The following IL1RAPL1 variants were observed in gnomAD, a reference collection of about 807,000 sequenced individuals.
IL1RAPL1 encodes interleukin 1 receptor accessory protein like 1, also known as interleukin-1 receptor accessory protein-like 1.
A neutral mutation model predicts 48.4 loss-of-function variants in IL1RAPL1; 3 were observed. The observed-to-expected ratio is 0.06, with a 90% CI of 0.03 to 0.16. The LOEUF is 0.16. Among genes scored for constraint, IL1RAPL1 ranks in the 10% least tolerant of loss-of-function variants. The pLI is 1.00. For synonymous variants in IL1RAPL1, 185 were observed against 187.7 expected, an observed-to-expected ratio of 0.99 and a Z score of 0.12; for missense variants, 349 against 530.6, an observed-to-expected ratio of 0.66 and a Z score of 3.36.
chrX:29,902,305 C>T (rs1372709659), intron 6 of IL1RAPL1, among the ~76,000 whole-genome samples: 3 of 110,835 alleles, frequency 2.7e-5, no homozygotes, highest in Non-Finnish European at 3.8e-5. Context: ...TGGTGTCCAC[C>T]GATTGTTCTA....
At chrX:29,327,648 A>G (rs1039780037) in intron 3 of IL1RAPL1, among the ~76,000 whole-genome samples, 5 of 105,101 alleles carry the variant, frequency 4.8e-5, no homozygotes, top group African/African-American at 1.4e-4. Context: ...CACTATATAT[A>G]TACTATATTT....
rs1229770821 is a variant in IL1RAPL1 at position 29,289,313 on chromosome X, C to T, written c.362+6096C>T. 3.6e-5 allele frequency among the ~76,000 whole-genome samples: 4 copies of T among 111,880 alleles called. No homozygotes were observed. The Admixed American group carries it at 3.8e-4, about 11-fold the overall frequency. On this transcript the variant is annotated intron_variant, in intron 3 of 10. Coordinates refer to ENST00000378993, the MANE Select transcript of IL1RAPL1 (RefSeq NM_014271.4). Reference sequence around the variant, plus strand: ...TTATGGGGTTGGATGTCCAGTTGTCCCAGCACCATTTGTTGAAAAGGCTAT... The same window carrying T: ...TTATGGGGTTGGATGTCCAGTTGTCTCAGCACCATTTGTTGAAAAGGCTAT...
chrX:29,668,578 C>T (rs949440296), intron 6 of IL1RAPL1, 74 bp downstream of exon 6: 21 of 746,249 alleles, frequency 2.8e-5, no homozygotes, highest in Non-Finnish European at 4.3e-5. Flanking sequence ...TAGATTGTAA[C>T]CCGATGTAAT....
chrX:29,371,532 C>T (rs771950150), intron 3 of IL1RAPL1, among the ~76,000 whole-genome samples: 2 of 111,302 alleles, frequency 1.8e-5, no homozygotes, highest in South Asian at 3.8e-4. Context: ...GGTATGGATC[C>T]CATCACCCAG....
intron 1 of IL1RAPL1, among the ~76,000 whole-genome samples, chrX:28,590,133 C>T (rs1340450418): frequency 9.0e-6 from 1 of 111,368 alleles, no homozygotes; most frequent in Non-Finnish European, 1.9e-5. Context: ...AGATACACAT[C>T]AGGTCCTTTT....
intron 2 of IL1RAPL1, among the ~76,000 whole-genome samples, chrX:29,023,851 T>G (rs1471158269): frequency 3.6e-5 from 4 of 111,897 alleles, no homozygotes; most frequent in African/African-American, 1.3e-4. Context: ...ATTAGATTTT[T>G]TCTTTATAGG....
chrX:29,589,452 C>G (rs936191149), intron 5 of IL1RAPL1, among the ~76,000 whole-genome samples: 6 of 108,587 alleles, frequency 5.5e-5, no homozygotes, highest in African/African-American at 2.1e-4. Context: ...CTCCTATTTT[C>G]AGGTATTCTT....
chrX:28,957,744 G>A (rs990080203), intron 2 of IL1RAPL1, among the ~76,000 whole-genome samples: 3 of 108,981 alleles, frequency 2.8e-5, no homozygotes, highest in African/African-American at 1.0e-4. Context: ...GGTGGATCAC[G>A]AGGTCAGGAG....
chrX:28,877,719 T>C (rs1030204665), intron 2 of IL1RAPL1, among the ~76,000 whole-genome samples: 2 of 111,744 alleles, frequency 1.8e-5, no homozygotes, highest in African/African-American at 6.5e-5. Flanking sequence ...TAAACGCCAA[T>C]TGTGAAGCCA....
chrX:28,709,776 G>A (rs1347794309), intron 1 of IL1RAPL1, among the ~76,000 whole-genome samples: 6 of 111,441 alleles, frequency 5.4e-5, no homozygotes, highest in Non-Finnish European at 1.1e-4. Context: ...TGGTAGGTGG[G>A]AATGTAGATT....
chrX:29,913,478 A>T (rs1276308333), intron 6 of IL1RAPL1, among the ~76,000 whole-genome samples: 9 of 110,245 alleles, frequency 8.2e-5, no homozygotes, highest in Non-Finnish European at 1.7e-4. Context: ...AAATATATAT[A>T]TTTTCTGCCT....
At chrX:29,081,370 T>G (rs1464174583) in intron 2 of IL1RAPL1, among the ~76,000 whole-genome samples, 2 of 109,687 alleles carry the variant, frequency 1.8e-5, no homozygotes, top group Admixed American at 2.0e-4. Context: ...ACCCAGCTAA[T>G]TTTTGTATGT....
chrX:29,806,452 CCTAAA>C (rs1930257626), intron 6 of IL1RAPL1, among the ~76,000 whole-genome samples: 1 of 111,498 alleles, frequency 9.0e-6, no homozygotes, highest in Non-Finnish European at 1.9e-5. Context: ...TGATTTTCTT[CCTAAA>C]CTTGACAAAG....
chrX:29,954,237 A>C (rs1265425244), intron 9 of IL1RAPL1, among the ~76,000 whole-genome samples: 5 of 51,558 alleles, frequency 9.7e-5, no homozygotes, highest in Non-Finnish European at 1.5e-4. Flanking sequence ...CTGTGTCCCA[A>C]AAAAAAAAAA....
intron 2 of IL1RAPL1, among the ~76,000 whole-genome samples, chrX:28,998,583 C>T (rs1451693985): frequency 8.9e-6 from 1 of 111,957 alleles, no homozygotes; most frequent in Non-Finnish European, 1.9e-5. Context: ...TTTGCATTCC[C>T]ATCGTATTGA....
intron 6 of IL1RAPL1, among the ~76,000 whole-genome samples, chrX:29,718,603 TAAAAAAA>T (rs11438049): frequency 2.5e-5 from 2 of 80,374 alleles, no homozygotes; most frequent in Admixed American, 1.4e-4. Flanking sequence ...GCTAAAGTAT[TAAAAAAA>T]AAAAAAAAAA....
chrX:29,917,631 A>G (rs1322668122), intron 7 of IL1RAPL1, 35 bp downstream of exon 7: 1 of 1,134,491 alleles, frequency 8.8e-7, no homozygotes. Context: ...TATAGTCAAG[A>G]TTAACATTTA....
intron 2 of IL1RAPL1, among the ~76,000 whole-genome samples, chrX:29,154,310 C>A (rs768829299): frequency 1.1e-4 from 12 of 111,290 alleles, no homozygotes; most frequent in South Asian, 3.7e-4. Context: ...GAGGCCGAGG[C>A]GGGTGGATCA....
intron 5 of IL1RAPL1, among the ~76,000 whole-genome samples, chrX:29,555,911 A>C (rs1295412161): frequency 7.1e-5 from 8 of 112,457 alleles, no homozygotes; most frequent in Non-Finnish European, 1.1e-4. Flanking sequence ...CACTATGCAA[A>C]CAAGTTAAGT....
Sources: allele counts gnomAD v4.1 joint callset (sites outside exome capture counted in the v4.1 genomes callset), GRCh38; gene constraint gnomAD v4.1.1; transcripts MANE v1.5; gene names NCBI Gene and HGNC (gene_info 2026-07-23, HGNC 2026-07-21).